C8G: variants seen among roughly 807,000 people sequenced by gnomAD.
C8G encodes the protein complement component C8 gamma chain.
In C8G, 38 loss-of-function variants were observed where a neutral mutation model predicts 29.1. The observed-to-expected ratio is 1.31, with a 90% CI of 1.01 to 1.71. The LOEUF (loss-of-function observed/expected upper bound fraction) is 1.71, where lower values mean the gene tolerates loss of function less well. C8G is among the 40% of genes most tolerant of loss of function. The pLI is 0.00. For missense variants in C8G, 300 were observed against 267.4 expected (o/e 1.12, Z -0.85); for synonymous variants, 158 against 113.2 (o/e 1.40, Z -2.51).
In C8G at chr9:136,945,474, G is replaced by C. The variant is rs777198057; in HGVS notation, c.138+16G>C. 262 of 1,559,930 alleles carry C rather than the reference G, an allele frequency of 1.7e-4. No individual in the cohort carries two copies. The highest frequency in any genetic ancestry group is 2.0e-4 in the Non-Finnish European group (232 of 1,151,370). ...TGCTCAGCAGGTAGAAGTTGGGGGG[G>C]GTAGAGGGAGGCAGGTAGAAGTTGT... On this transcript the variant is annotated intron_variant, in intron 1 of 6. Coordinates refer to ENST00000371634, the MANE Select transcript of C8G (RefSeq NM_000606.3).
At position 136,945,259 on chromosome 9, in the gene C8G, T is replaced by C; in HGVS notation, c.-62T>C. 6.5e-7 allele frequency: 1 copy of C among 1,535,600 alleles called. No homozygotes were observed. The highest frequency in any genetic ancestry group is 8.8e-7 in the Non-Finnish European group (1 of 1,139,226). On this transcript the variant is annotated 5_prime_UTR_variant, in exon 1 of 7. Coordinates refer to ENST00000371634, the MANE Select transcript of C8G (RefSeq NM_000606.3). ...CTCTGTGACAGCAGAGTAGACTCTG[T>C]CCTGGGACTTGGTGGTGCTACCCTT...
At position 136,945,340 on chromosome 9, in the gene C8G, C is replaced by T. The variant is rs371703325; in HGVS notation, c.20C>T (p.Ala7Val). 2.4e-5 allele frequency: 39 copies of T among 1,611,504 alleles called. No homozygotes were observed. In the Middle Eastern group the frequency reaches 6.9e-4, roughly 29 times the overall value. The change falls in exon 1 of 7, where the codon GCG (alanine) becomes GTG (valine). Residue 7 changes from alanine to valine, a missense_variant. By Grantham distance (64) the Ala-to-Val change is moderately conservative (BLOSUM62 0). Coordinates refer to ENST00000371634, the MANE Select transcript of C8G (RefSeq NM_000606.3). MLPPGT[A>V]TLLTLLLAAG... Reference sequence around the variant, plus strand: ...GCCACCATGCTGCCCCCTGGGACTGCGACCCTCTTGACTCTGCTCCTGGCA... The same window carrying T: ...GCCACCATGCTGCCCCCTGGGACTGTGACCCTCTTGACTCTGCTCCTGGCA...
At position 136,946,750 on chromosome 9, in the gene C8G, G is replaced by A. The variant is rs1318059088; in HGVS notation, c.596-18G>A. On this transcript the variant is annotated intron_variant, in intron 6 of 6. Coordinates refer to ENST00000371634, the MANE Select transcript of C8G (RefSeq NM_000606.3). ...GAGGGGGGCCACTGCCACCGGCTGA[G>A]TCTCGTCTCTGCTGCAGAAGTGAGG... The A allele has an allele frequency of 1.2e-6, 2 of 1,606,480 alleles. No homozygotes were observed. Among genetic ancestry groups the A allele is most frequent in the Non-Finnish European group, 1.7e-6 (2 of 1,179,006 alleles).
At position 136,945,743 on chromosome 9, in the gene C8G, C is replaced by A. The variant is rs1851014340; in HGVS notation, c.248C>A (p.Ala83Asp). ...CTGCATGTGGCTCCCCAGGGCACAG[C>A]CATGGCTGTCAGTACCTTCCGAAAG... is the stretch of plus-strand genomic sequence containing the variant. ...TTLHVAPQGT[A>D]MAVSTFRKLD... The change falls in exon 2 of 7, where the codon GCC (alanine) becomes GAC (aspartate). Residue 83 changes from alanine (A) to aspartate (D), a missense_variant. Physicochemically the swap from Ala to Asp is moderately radical, Grantham distance 126. Coordinates refer to ENST00000371634, the MANE Select transcript of C8G (RefSeq NM_000606.3). 2 of 1,565,822 alleles carry A rather than the reference C, an allele frequency of 1.3e-6. No homozygotes were observed. The highest frequency in any genetic ancestry group is 2.7e-5 in the African/African-American group (2 of 73,948).
intron 4 of C8G, 107 bp downstream of exon 4, chr9:136,946,299 C>A: frequency 7.3e-7 from 1 of 1,365,920 alleles, no homozygotes; most frequent in South Asian, 1.3e-5. Flanking sequence ...TTCCTTTCTC[C>A]CATCCTGATC....
chr9:136,945,408 G>GCATCCCC lies in C8G; in HGVS notation c.93_99dup (p.Ser34ProfsTer12), dbSNP rs758635843. On this transcript the variant is annotated frameshift_variant, in exon 1 of 7. Transcript: ENST00000371634. LOFTEE classifies it high-confidence loss of function. ...GAAGCCTCAGAGGCCACGCCGGCCC[G>GCATCCCC]CATCCCCCATCAGCACCATCCAGCC... 1.6e-4 allele frequency: 251 copies of GCATCCCC among 1,600,746 alleles called. No homozygotes were observed. Among genetic ancestry groups the GCATCCCC allele is most frequent in the Non-Finnish European group, 2.1e-4 (241 of 1,174,314 alleles).
intron 4 of C8G, 42 bp from the exon 5 acceptor site, chr9:136,946,423 C>G: frequency 6.5e-7 from 1 of 1,536,484 alleles, no homozygotes; most frequent in Non-Finnish European, 8.8e-7. Context: ...GCCCTCCACG[C>G]CGCCTGGTGC....
intron 3 of C8G, 26 bp from the exon 4 acceptor site, chr9:136,946,059 A>T (rs1423920522): frequency 2.5e-6 from 4 of 1,605,448 alleles, no homozygotes; most frequent in Non-Finnish European, 3.4e-6. Flanking sequence ...TGGCTCTCTG[A>T]CATGGCTACT....
chr9:136,945,571 AGAGGGAAGCAGGTGAG>A (rs1851007494), intron 1 of C8G, 47 bp from the exon 2 acceptor site: 1 of 1,579,594 alleles, frequency 6.3e-7, no homozygotes, highest in African/African-American at 1.3e-5. Context: ...TGGGGGGTGT[AGAGGGAAGCAGGTGAG>A]GGGCCCTCCC....
Position 136,946,456 on chromosome 9 carries a change from G to A in C8G, c.455-9G>A. 1.3e-6 allele frequency: 2 copies of A among 1,588,648 alleles called. No homozygotes were observed. The highest frequency in any genetic ancestry group is 4.5e-5 in the East Asian group (2 of 44,528). ...TGCCAGGACCCCAGGAACCCTGTCT[G>A]CCCTGCAGCCCGCTCGCTCCCTGTG... On this transcript the variant is annotated splice_polypyrimidine_tract_variant and intron_variant, in intron 4 of 6. Coordinates refer to ENST00000371634, the MANE Select transcript of C8G (RefSeq NM_000606.3).
intron 3 of C8G, 41 bp from the exon 4 acceptor site, chr9:136,946,044 C>T (rs1177811803): frequency 2.5e-6 from 4 of 1,601,894 alleles, no homozygotes; most frequent in Non-Finnish European, 3.4e-6. Flanking sequence ...ATGACGCAGC[C>T]ACTGTGGCTC....
chr9:136,946,478 T>G lies in C8G; in HGVS notation c.468T>G (p.Pro156=), dbSNP rs1461166404. 1.9e-6 allele frequency: 3 copies of G among 1,609,068 alleles called. No individual in the cohort carries two copies. In the African/African-American group the frequency reaches 4.0e-5, roughly 21 times the overall value. ...TCTGCCCTGCAGCCCGCTCGCTCCC[T>G]GTGAGCGACTCGGTCCTGAGTGGGT... ...LSVKLYARSL[P]VSDSVLSGFE... Residue 156 remains proline (P), a synonymous_variant, in exon 5 of 7, where the codon CCT becomes CCG. Coordinates refer to ENST00000371634, the MANE Select transcript of C8G (RefSeq NM_000606.3).
At position 136,945,342 on chromosome 9, in the gene C8G, A is replaced by T. The variant is rs916896464; in HGVS notation, c.22A>T (p.Thr8Ser). ...CACCATGCTGCCCCCTGGGACTGCG[A>T]CCCTCTTGACTCTGCTCCTGGCAGC... MLPPGTA[T>S]LLTLLLAAGS... Residue 8 changes from threonine to serine, a missense_variant, in exon 1 of 7, where the codon ACC becomes TCC. Physicochemically the swap from Thr to Ser is moderately conservative, Grantham distance 58 (BLOSUM62 1). Transcript: ENST00000371634. 1 of 1,611,400 alleles carries T rather than the reference A, an allele frequency of 6.2e-7. No individual in the cohort carries two copies. Among genetic ancestry groups the T allele is most frequent in the Non-Finnish European group, 8.5e-7 (1 of 1,179,092 alleles).
At position 136,946,089 on chromosome 9, in the gene C8G, A is replaced by AGGCGCCC. The variant is rs774019026; in HGVS notation, c.352_353insGCGCCCG (p.Asp118GlyfsTer14). ...GCTACTGTGGCTCTGCCCCAGCCCG[A>AGGCGCCC]GACGCCCGAGGGGCTGTGCACGTGG... On this transcript the variant is annotated frameshift_variant, in exon 4 of 7. Coordinates refer to ENST00000371634, the MANE Select transcript of C8G (RefSeq NM_000606.3). LOFTEE classifies it high-confidence loss of function. 39 of 1,605,884 alleles carry AGGCGCCC rather than the reference A, an allele frequency of 2.4e-5. No homozygotes were observed. The highest frequency in any genetic ancestry group is 2.8e-5 in the Non-Finnish European group (33 of 1,175,282).
At chr9:136,946,323 G>A (rs1470228146) in intron 4 of C8G, 131 bp downstream of exon 4, 1 of 1,385,168 alleles carries the variant, frequency 7.2e-7, no homozygotes, top group African/African-American at 1.5e-5. Context: ...CTGCTAAGCA[G>A]GGGCCCAGGG....
At position 136,946,826 on chromosome 9, in the gene C8G, AC is replaced by A; in HGVS notation, c.*46del. ...TGCTGAGAAGTCAGTGCCCCGAGAG[AC>A]GACCCCACCAGTGGGGTGCCCGCTG... On this transcript the variant is annotated 3_prime_UTR_variant, in exon 7 of 7. Transcript: ENST00000371634. The A allele has an allele frequency of 6.5e-7, 1 of 1,542,660 alleles. No homozygotes were observed. Among genetic ancestry groups the A allele is most frequent in the Non-Finnish European group, 8.7e-7 (1 of 1,149,332 alleles).
chr9:136,945,554 G>A (rs1851006514), intron 1 of C8G, 80 bp from the exon 2 acceptor site: 1 of 1,559,128 alleles, frequency 6.4e-7, no homozygotes, highest in Non-Finnish European at 8.7e-7. Flanking sequence ...GGAAGCAGGT[G>A]AAGTTGTGGG....
Position 136,946,092 on chromosome 9 carries a change from C to T in C8G, c.354C>T (p.Asp118=), listed in dbSNP as rs556328357. The T allele has an allele frequency of 1.0e-5, 16 of 1,601,796 alleles. No individual in the cohort carries two copies. The East Asian group carries it at 1.8e-4, about 18-fold the overall frequency. ...ACTGTGGCTCTGCCCCAGCCCGAGA[C>T]GCCCGAGGGGCTGTGCACGTGGTTG... ...VLGRFLLQAR[D]ARGAVHVVVA... Residue 118 remains aspartate, a synonymous_variant, in exon 4 of 7, where the codon GAC becomes GAT. Transcript: ENST00000371634.
rs775954488 is a variant in C8G, at chr9:136,946,804, TGAG to T, written c.*24_*26del. The T allele has an allele frequency of 1.0e-5, 16 of 1,563,644 alleles. No homozygotes were observed. Among genetic ancestry groups the T allele is most frequent in the Non-Finnish European group, 1.1e-5 (13 of 1,159,734 alleles). On this transcript the variant is annotated 3_prime_UTR_variant, in exon 7 of 7. Transcript: ENST00000371634. ...TGAGGCCGGCACACAGCTCCAGTGC[TGAG>T]AAGTCAGTGCCCCGAGAGACGACCC...
Sources: gnomAD v4.1 joint callset for allele counts on GRCh38, gnomAD v4.1.1 for gene constraint, MANE v1.5 for transcripts, NCBI Gene and HGNC (gene_info 2026-07-23, HGNC 2026-07-21) for gene names.